Variants in LINGO2 observed in about 807,000 individuals in gnomAD.
LINGO2 encodes leucine rich repeat and Ig domain containing 2, also known as leucine-rich repeat and immunoglobulin-like domain-containing nogo receptor-interacting protein 2.
LINGO2 carries 14 observed loss-of-function variants against 30.6 expected under a neutral mutation model. The ratio of observed to expected loss-of-function variants is 0.46; its 90% confidence interval spans 0.30 to 0.72. The LOEUF is 0.72. Among genes scored for constraint, LINGO2 ranks in the 30% least tolerant of loss-of-function variants. LINGO2 has a pLI of 0.07. For synonymous variants in LINGO2, 317 were observed against 288.5 expected, an observed-to-expected ratio of 1.10 and a Z score of -1.00; for missense variants, 729 against 751.7, an observed-to-expected ratio of 0.97 and a Z score of 0.35.
chr9:29,205,860 A>C, the LINGO2 span, among the ~76,000 whole-genome samples: 2 of 152,208 alleles, frequency 1.3e-5, no homozygotes, highest in Non-Finnish European at 2.9e-5. Context: ...TTGTCCCAAA[A>C]GATTCCTTGT....
chr9:28,498,993 G>T (rs777993992), intron 1 of LINGO2, among the ~76,000 whole-genome samples: 1 of 151,678 alleles, frequency 6.6e-6, no homozygotes, highest in African/African-American at 2.4e-5. Flanking sequence ...TTAAATATCA[G>T]AAAGAAAGCA....
the LINGO2 span, among the ~76,000 whole-genome samples, chr9:28,978,364 C>A: frequency 6.6e-6 from 1 of 152,038 alleles, no homozygotes; most frequent in Non-Finnish European, 1.5e-5. Flanking sequence ...TATATTCATG[C>A]AGCACAATTT....
chr9:29,025,489 T>G, the LINGO2 span, among the ~76,000 whole-genome samples: 1 of 152,164 alleles, frequency 6.6e-6, no homozygotes, highest in Non-Finnish European at 1.5e-5. Flanking sequence ...AATATTCTAA[T>G]CTCTGTGTTA....
Position 28,300,460 on chromosome 9 carries a change from T to C in LINGO2, c.-245-5094A>G, listed in dbSNP as rs527291176. ...GCTCAAAGATGCCTAATTCTGAATT[T>C]GATTATGATCTAGAAACTTTACCAA... On this transcript the variant is annotated intron_variant, in intron 3 of 5. Coordinates refer to ENST00000379992, the Ensembl canonical transcript of LINGO2. Among the ~76,000 whole-genome samples, 22 of 152,300 alleles carry C rather than the reference T, an allele frequency of 1.4e-4. No individual in the cohort carries two copies. In the South Asian group the frequency reaches 4.1e-3, roughly 29 times the overall value.
chr9:27,985,607 A>C (rs934347793), intron 5 of LINGO2, among the ~76,000 whole-genome samples: 3 of 134,304 alleles, frequency 2.2e-5, no homozygotes, highest in African/African-American at 9.8e-5. Context: ...AGTGTAGTAC[A>C]AGATAAGGCA....
At chr9:28,340,215 T>C (rs1825722528) in intron 3 of LINGO2, among the ~76,000 whole-genome samples, 1 of 152,194 alleles carries the variant, frequency 6.6e-6, no homozygotes, top group Non-Finnish European at 1.5e-5. Flanking sequence ...TTTCTTTGTA[T>C]ACATAAGATG....
the LINGO2 span, among the ~76,000 whole-genome samples, chr9:29,203,594 A>C: frequency 6.7e-6 from 1 of 149,638 alleles, no homozygotes; most frequent in Middle Eastern, 3.4e-3. Context: ...AATGTTACTA[A>C]GACTAACATA....
chr9:29,164,714 A>G, the LINGO2 span, among the ~76,000 whole-genome samples: 2 of 151,686 alleles, frequency 1.3e-5, no homozygotes, highest in Non-Finnish European at 2.9e-5. Flanking sequence ...TAACACACAT[A>G]CACACACACA....
At chr9:28,770,132 G>C in the LINGO2 span, among the ~76,000 whole-genome samples, 2 of 152,202 alleles carry the variant, frequency 1.3e-5, no homozygotes, top group South Asian at 2.1e-4. Context: ...CTTCAGCATG[G>C]GGTGCTGTCA....
Position 28,460,048 on chromosome 9 carries a change from A to G in LINGO2, c.-279+15892T>C, listed in dbSNP as rs543005995. ...TGTCTGATGAATTTACTTCTGTATC[A>G]TAGTAATCATGGTTTTGTAATTTTT... On this transcript the variant is annotated intron_variant, in intron 2 of 5. Coordinates refer to ENST00000379992, the Ensembl canonical transcript of LINGO2. Among the ~76,000 whole-genome samples the G allele has an allele frequency of 7.3e-4, 111 of 152,250 alleles. 1 individual carries two copies. The highest frequency in any genetic ancestry group is 2.6e-3 in the African/African-American group (108 of 41,566).
intron 4 of LINGO2, among the ~76,000 whole-genome samples, chr9:28,160,830 G>GGCTCCATATCTCAATTTATTA (rs1348177790): frequency 6.6e-6 from 1 of 152,100 alleles, no homozygotes; most frequent in African/African-American, 2.4e-5. Context: ...TCTGCCTCTT[G>GGCTCCATATCTCAATTTATTA]GCTCCATATC....
chr9:28,464,082 C>G (rs914561459), intron 2 of LINGO2, among the ~76,000 whole-genome samples: 1 of 152,110 alleles, frequency 6.6e-6, no homozygotes, highest in Non-Finnish European at 1.5e-5. Context: ...AGACAATATT[C>G]TGTTCAGGGA....
At chr9:29,109,358 C>T in the LINGO2 span, among the ~76,000 whole-genome samples, 1 of 151,952 alleles carries the variant, frequency 6.6e-6, no homozygotes, top group South Asian at 2.1e-4. Context: ...TTCCAGCTCT[C>T]TTTATTTTAT....
chr9:29,175,788 GC>G, the LINGO2 span, among the ~76,000 whole-genome samples: 1 of 151,936 alleles, frequency 6.6e-6, no homozygotes, highest in Non-Finnish European at 1.5e-5. Flanking sequence ...GCCTCCCAAA[GC>G]CGATAATTTT....
At chr9:28,141,743 C>T (rs1049293272) in intron 4 of LINGO2, among the ~76,000 whole-genome samples, 1 of 151,992 alleles carries the variant, frequency 6.6e-6, no homozygotes, top group African/African-American at 2.4e-5. Flanking sequence ...CATGAAACAC[C>T]GTCTCTAGTG....
chr9:28,869,558 T>C, the LINGO2 span, among the ~76,000 whole-genome samples: 2 of 151,632 alleles, frequency 1.3e-5, no homozygotes, highest in Admixed American at 6.6e-5. Context: ...GACAGAGAAA[T>C]AGCAAGCAGG....
At chr9:28,231,366 T>C (rs1377882360) in intron 4 of LINGO2, among the ~76,000 whole-genome samples, 2 of 152,032 alleles carry the variant, frequency 1.3e-5, no homozygotes, top group Non-Finnish European at 2.9e-5. Flanking sequence ...CTTTTACTTT[T>C]AGAAAAAAAT....
chr9:28,347,473 A>C (rs1475639), intron 3 of LINGO2, among the ~76,000 whole-genome samples: 2 of 152,144 alleles, frequency 1.3e-5, no homozygotes, highest in Admixed American at 6.5e-5. Context: ...ATAAAGATAA[A>C]AGAAGTTGTC....
At chr9:28,942,606 C>A in the LINGO2 span, among the ~76,000 whole-genome samples, 1 of 152,100 alleles carries the variant, frequency 6.6e-6, no homozygotes, top group African/African-American at 2.4e-5. Flanking sequence ...AAGTACGATG[C>A]CCAGGAAACA....
Sources: allele counts gnomAD v4.1 joint callset (sites outside exome capture counted in the v4.1 genomes callset), GRCh38; gene constraint gnomAD v4.1.1; transcripts MANE v1.5; gene names NCBI Gene and HGNC (gene_info 2026-07-23, HGNC 2026-07-21).